IRAK3: variants seen among roughly 807,000 people sequenced by gnomAD.
The protein encoded by IRAK3 is interleukin 1 receptor associated kinase 3.
In IRAK3, 57 loss-of-function variants were observed where a neutral mutation model predicts 56.6. The ratio of observed to expected loss-of-function variants is 1.01; its 90% CI spans 0.81 to 1.26. The LOEUF (loss-of-function observed/expected upper bound fraction) is 1.26, where lower values mean the gene tolerates loss of function less well. IRAK3 is among the 50% of genes most tolerant of loss of function. IRAK3 has a pLI of 0.00. For missense variants in IRAK3, 703 were observed against 719.0 expected (o/e 0.98, Z 0.25); for synonymous variants, 258 against 255.7 (o/e 1.01, Z -0.09).
At chr12:66,222,752 T>C (rs1287083251) in intron 6 of IRAK3, among the ~76,000 whole-genome samples, 4 of 152,208 alleles carry the variant, frequency 2.6e-5, no homozygotes, top group Non-Finnish European at 4.4e-5. Flanking sequence ...TTTTATGTTA[T>C]GAGACGCAAA....
chr12:66,216,148 CA>C (rs1300971719), intron 5 of IRAK3, among the ~76,000 whole-genome samples: 1 of 151,496 alleles, frequency 6.6e-6, no homozygotes, highest in African/African-American at 2.4e-5. Context: ...TTAGCATAAA[CA>C]AAAAAACCGA....
intron 1 of IRAK3, chr12:66,197,254 A>G (rs1301833608): frequency 1.7e-6 from 2 of 1,179,778 alleles, no homozygotes; most frequent in Non-Finnish European, 2.1e-6. Context: ...CTTTATCAAC[A>G]TAATTAGTCA....
intron 1 of IRAK3, among the ~76,000 whole-genome samples, chr12:66,190,377 T>C (rs1408108783): frequency 2.4e-5 from 3 of 123,978 alleles, no homozygotes; most frequent in African/African-American, 7.7e-5. Context: ...TTTTAAGTTA[T>C]GGCCCTTAAG....
Position 66,248,068 on chromosome 12 carries a change from C to T in IRAK3, c.1688C>T (p.Pro563Leu), listed in dbSNP as rs539690265. ...AGGCCCTATAAGGTAAATATAGATC[C>T]TTCTTCAGAAGCTCCAGGGCATTCT... ...DLRPYKVNIDPSSEAPGHSCR... is the reference protein window; with the variant it reads ...DLRPYKVNIDLSSEAPGHSCR... The change falls in exon 12 of 12, where the codon CCT becomes CTT. Residue 563 changes from proline (P) to leucine (L), a missense_variant. Physicochemically the swap from Pro to Leu is moderately conservative, Grantham distance 98. Transcript: ENST00000261233. The T allele has an allele frequency of 3.8e-6, 6 of 1,589,644 alleles. No individual in the cohort carries two copies. Among genetic ancestry groups the T allele is most frequent in the Non-Finnish European group, 5.1e-6 (6 of 1,170,974 alleles).
At chr12:66,223,027 G>A (rs2052750755) in intron 6 of IRAK3, among the ~76,000 whole-genome samples, 1 of 152,002 alleles carries the variant, frequency 6.6e-6, no homozygotes, top group Admixed American at 6.5e-5. Context: ...GTTCTCTGTG[G>A]GGCAGGAGTG....
chr12:66,215,478 T>C (rs1281492127), intron 5 of IRAK3, among the ~76,000 whole-genome samples: 1 of 152,170 alleles, frequency 6.6e-6, no homozygotes, highest in East Asian at 1.9e-4. Context: ...TTCACCCACC[T>C]CTCTCAAAGG....
rs372909279 is a variant in IRAK3 at position 66,241,990 on chromosome 12, T to G, written c.888-2496T>G. Reference sequence around the variant, plus strand: ...TGTACTTAAAAGATTCAGGGTTTTTTTGTGTGTGTGTGTGTGTTTCAAAAA... The same window carrying G: ...TGTACTTAAAAGATTCAGGGTTTTTGTGTGTGTGTGTGTGTGTTTCAAAAA... On this transcript the variant is annotated intron_variant, in intron 8 of 11. Coordinates refer to ENST00000261233, the MANE Select transcript of IRAK3 (RefSeq NM_007199.3). Among the ~76,000 whole-genome samples the G allele has an allele frequency of 2.1e-3, 315 of 151,890 alleles. 2 individuals carry two copies. The highest frequency in any genetic ancestry group is 6.2e-3 in the East Asian group (32 of 5,178).
chr12:66,226,399 G>C (rs1259745024), intron 6 of IRAK3, among the ~76,000 whole-genome samples: 1 of 151,902 alleles, frequency 6.6e-6, no homozygotes, highest in Non-Finnish European at 1.5e-5. Context: ...TCACCACCAT[G>C]CCCAGCTAAT....
At position 66,206,676 on chromosome 12, in the gene IRAK3, T is replaced by C. The variant is rs536973483; in HGVS notation, c.317-2780T>C. On this transcript the variant is annotated intron_variant, in intron 2 of 11. Transcript: ENST00000261233. ...ATTTGTAAGAGGTATTGGTCTGTTG[T>C]TTTCTTGTAATGTCTTTATCCGGCA... is the stretch of plus-strand genomic sequence containing the variant. Among the ~76,000 whole-genome samples, 4 of 152,348 alleles carry C rather than the reference T, an allele frequency of 2.6e-5. No individual in the cohort carries two copies. The South Asian group carries it at 8.3e-4, about 32-fold the overall frequency.
rs1159707046 is a variant in IRAK3, at chr12:66,251,723, C to G, written c.*3552C>G. The G allele has an allele frequency of 6.6e-6, 1 of 152,158 alleles. No homozygotes were observed. The highest frequency in any genetic ancestry group is 1.5e-5 in the Non-Finnish European group (1 of 68,036). 9.4% of individuals were successfully genotyped at this position (152,158 alleles called of 1,614,324 possible). On this transcript the variant is annotated 3_prime_UTR_variant, in exon 12 of 12. Coordinates refer to ENST00000261233, the MANE Select transcript of IRAK3 (RefSeq NM_007199.3). ...TAAAACAACTTTAATGACCTGAGGACTGATGAGTACAGGAAGTGAGGTTTA... is the reference window on the plus strand; with the variant it reads ...TAAAACAACTTTAATGACCTGAGGAGTGATGAGTACAGGAAGTGAGGTTTA...
At chr12:66,236,395 CAAAAAAAA>C (rs56074285) in intron 8 of IRAK3, among the ~76,000 whole-genome samples, 203 of 110,378 alleles carry the variant, frequency 1.8e-3, no homozygotes, top group African/African-American at 7.1e-3. Context: ...CTAAAAATAC[CAAAAAAAA>C]AAAAAAAAAA....
chr12:66,209,905 A>G (rs930920733), intron 3 of IRAK3, among the ~76,000 whole-genome samples: 3 of 152,216 alleles, frequency 2.0e-5, no homozygotes, highest in African/African-American at 4.8e-5. Context: ...GTAATTTAAA[A>G]TTGACTTTGA....
At chr12:66,242,087 G>A (rs2052976061) in intron 8 of IRAK3, among the ~76,000 whole-genome samples, 1 of 152,132 alleles carries the variant, frequency 6.6e-6, no homozygotes, top group South Asian at 2.1e-4. Flanking sequence ...AGCTGTGATA[G>A]AGGAAGATGT....
At chr12:66,209,595 CA>C in intron 3 of IRAK3, 75 bp downstream of exon 3, 3 of 961,984 alleles carry the variant, frequency 3.1e-6, no homozygotes, top group Non-Finnish European at 5.1e-6. Flanking sequence ...ATGAAATTAG[CA>C]GGCAGAAAAA....
At chr12:66,233,674 G>A (rs2136943788) in intron 8 of IRAK3, among the ~76,000 whole-genome samples, 1 of 151,608 alleles carries the variant, frequency 6.6e-6, no homozygotes, top group South Asian at 2.1e-4. Flanking sequence ...AAAAAACACA[G>A]ATTAAACACA....
chr12:66,206,796 C>G (rs2136921591), intron 2 of IRAK3, among the ~76,000 whole-genome samples: 1 of 152,310 alleles, frequency 6.6e-6, no homozygotes, highest in Non-Finnish European at 1.5e-5. Context: ...TGTTAATCTT[C>G]TTTAAATGTT....
chr12:66,221,810 C>T (rs1331352374), intron 6 of IRAK3, among the ~76,000 whole-genome samples: 2 of 152,116 alleles, frequency 1.3e-5, no homozygotes, highest in African/African-American at 2.4e-5. Flanking sequence ...AGGTGGGTCA[C>T]CTGAGGTCAG....
At chr12:66,204,034 A>T in intron 2 of IRAK3, 141 bp downstream of exon 2, 2 of 715,580 alleles carry the variant, frequency 2.8e-6, no homozygotes, top group Non-Finnish European at 4.8e-6. Context: ...TCTGGAAGGG[A>T]CTTTCCAGCT....
intron 8 of IRAK3, among the ~76,000 whole-genome samples, chr12:66,233,519 G>GA (rs71096082): frequency 0.17 from 24,300 of 145,382 alleles, 3,666 homozygotes; most frequent in African/African-American, 0.41. Flanking sequence ...CTCCGTCTCG[G>GA]AAAAAAAAAA....
Sources: allele counts gnomAD v4.1 joint callset (sites outside exome capture counted in the v4.1 genomes callset), GRCh38; gene constraint gnomAD v4.1.1; transcripts MANE v1.5; gene names NCBI Gene and HGNC (gene_info 2026-07-23, HGNC 2026-07-21).